Variants in DNMBP observed in about 807,000 individuals in gnomAD.
The protein encoded by DNMBP is dynamin-binding protein.
DNMBP carries 87 observed loss-of-function variants against 150.0 expected under a neutral mutation model. That is an observed-to-expected ratio of 0.58 (90% confidence interval 0.49 to 0.69). The LOEUF (loss-of-function observed/expected upper bound fraction) is 0.69. Ranked by LOEUF, DNMBP falls within the 30% of genes least tolerant of loss-of-function variation. DNMBP has a pLI of 0.00. For synonymous variants in DNMBP, 711 were observed against 750.4 expected, an observed-to-expected ratio of 0.95 and a Z score of 0.86; for missense variants, 1,774 against 1,949.0, an observed-to-expected ratio of 0.91 and a Z score of 1.69.
At chr10:99,979,453 G>T (rs1340409355) in intron 1 of DNMBP, among the ~76,000 whole-genome samples, 1 of 152,122 alleles carries the variant, frequency 6.6e-6, no homozygotes, top group African/African-American at 2.4e-5. Flanking sequence ...AAAGCCTTTG[G>T]CAGTTACCTA....
chr10:99,890,069 C>T (rs1383293929), intron 11 of DNMBP, among the ~76,000 whole-genome samples: 1 of 152,178 alleles, frequency 6.6e-6, no homozygotes. Flanking sequence ...ATTTTTATAT[C>T]ATTTTTAGAC....
Position 99,957,218 on chromosome 10 carries a change from G to A in DNMBP, c.269-13C>T. 1.3e-6 allele frequency: 2 copies of A among 1,594,726 alleles called. No homozygotes were observed. The highest frequency in any genetic ancestry group is 1.7e-6 in the Non-Finnish European group (2 of 1,176,258). On this transcript the variant is annotated splice_polypyrimidine_tract_variant and intron_variant, in intron 3 of 16. Transcript: ENST00000324109. ...ATCACCAGGTCACCTAAAGAAAAGAGGAGCAGAGATGGTGACCTCAGTCAT... is the reference window on the plus strand; with the variant it reads ...ATCACCAGGTCACCTAAAGAAAAGAAGAGCAGAGATGGTGACCTCAGTCAT...
At chr10:99,918,149 G>A (rs2039987236) in intron 4 of DNMBP, among the ~76,000 whole-genome samples, 1 of 151,944 alleles carries the variant, frequency 6.6e-6, no homozygotes, top group Non-Finnish European at 1.5e-5. Flanking sequence ...GCCCTGCCTG[G>A]AGGAATCACA....
rs773348614 is a variant in DNMBP at position 99,898,258 on chromosome 10, G to T, written c.2748C>A (p.Gly916=). The T allele has an allele frequency of 1.2e-6, 2 of 1,613,846 alleles. No individual in the cohort carries two copies. The highest frequency in any genetic ancestry group is 3.3e-5 in the Admixed American group (2 of 60,010). Residue 916 remains glycine, a synonymous_variant, in exon 9 of 17, where the codon GGC becomes GGA. Coordinates refer to ENST00000324109, the MANE Select transcript of DNMBP (RefSeq NM_015221.4). ...EWGCTNYINL[G]SFLIKPVQRV... Reference sequence around the variant, plus strand: ...TCTGTACTGGTTTGATGAGGAAGGAGCCCAGGTTAATATAATTTGTGCATC... The same window carrying T: ...TCTGTACTGGTTTGATGAGGAAGGATCCCAGGTTAATATAATTTGTGCATC...
chr10:99,956,326 C>T lies in DNMBP; in HGVS notation c.1148G>A (p.Gly383Glu). Residue 383 changes from glycine to glutamate, a missense_variant, in exon 4 of 17, where the codon GGG (glycine) becomes GAG (glutamate). Physicochemically the swap from Gly to Glu is moderately conservative, Grantham distance 98. Transcript: ENST00000324109. ...NSYQDEDTAG[G>E]PPRSPGVEWE... Reference sequence around the variant, plus strand: ...CTCCACGCCTGGGCTTCTCGGGGGCCCTCCTGCGGTGTCCTCGTCCTGATA... The same window carrying T: ...CTCCACGCCTGGGCTTCTCGGGGGCTCTCCTGCGGTGTCCTCGTCCTGATA... 6.2e-7 allele frequency: 1 copy of T among 1,613,786 alleles called. No homozygotes were observed.
chr10:99,893,581 A>G (rs943829358), intron 11 of DNMBP, among the ~76,000 whole-genome samples: 2 of 152,172 alleles, frequency 1.3e-5, no homozygotes, highest in African/African-American at 4.8e-5. Context: ...TAAAAATACA[A>G]AAATTAGCTG....
intron 1 of DNMBP, among the ~76,000 whole-genome samples, chr10:99,990,724 C>T (rs2040877960): frequency 6.7e-6 from 1 of 150,108 alleles, no homozygotes; most frequent in Non-Finnish European, 1.5e-5. Context: ...CATATACACA[C>T]AAATATACAT....
intron 1 of DNMBP, among the ~76,000 whole-genome samples, chr10:99,989,841 AC>A (rs2040867292): frequency 6.7e-6 from 1 of 149,438 alleles, no homozygotes; most frequent in Non-Finnish European, 1.5e-5. Context: ...CTTCTATTAA[AC>A]TGCTATGTAC....
Position 99,880,041 on chromosome 10 carries a change from A to C in DNMBP, c.4318T>G (p.Ser1440Ala), listed in dbSNP as rs1177001942. Reference sequence around the variant, plus strand: ...TCCCCTGACCTTGGCTGGGAGGTGGAGTCTGGGTCTGAAGGGCATCTGGAA... The same window carrying C: ...TCCCCTGACCTTGGCTGGGAGGTGGCGTCTGGGTCTGAAGGGCATCTGGAA... ...SPSRCPSDPD[S>A]TSQPRSGDSA... The change falls in exon 16 of 17, where the codon TCC becomes GCC. Residue 1440 changes from serine (S) to alanine (A), a missense_variant. This residue lies in a region of DNMBP where 1,430 missense variants were observed against 1,492.5 expected (regional missense o/e 0.96). Coordinates refer to ENST00000324109, the MANE Select transcript of DNMBP (RefSeq NM_015221.4). 6.2e-7 allele frequency: 1 copy of C among 1,614,154 alleles called. No homozygotes were observed.
At chr10:99,895,499 T>A (rs1340761023) in intron 10 of DNMBP, among the ~76,000 whole-genome samples, 2 of 152,242 alleles carry the variant, frequency 1.3e-5, no homozygotes, top group Admixed American at 6.5e-5. Flanking sequence ...TCATAGTGAA[T>A]TGATTTAAAC....
intron 10 of DNMBP, among the ~76,000 whole-genome samples, chr10:99,895,746 G>GT (rs2039643290): frequency 6.6e-6 from 1 of 152,156 alleles, no homozygotes; most frequent in South Asian, 2.1e-4. Context: ...TCACTGAACT[G>GT]TTTTTCTAAA....
chr10:99,977,170 G>A (rs976220173), intron 1 of DNMBP, among the ~76,000 whole-genome samples: 6 of 152,154 alleles, frequency 3.9e-5, no homozygotes, highest in Admixed American at 2.6e-4. Flanking sequence ...CATAATCACT[G>A]AGGAGCACAC....
At chr10:99,899,891 A>G (rs1232046542) in intron 7 of DNMBP, 28 bp downstream of exon 7, 2 of 1,613,606 alleles carry the variant, frequency 1.2e-6, no homozygotes, top group African/African-American at 1.3e-5. Context: ...AAGAGCTGTA[A>G]TGGAAGTTAA....
chr10:99,978,888 T>TA (rs962541218), intron 1 of DNMBP, among the ~76,000 whole-genome samples: 1 of 152,136 alleles, frequency 6.6e-6, no homozygotes, highest in African/African-American at 2.4e-5. Flanking sequence ...AGTTTTTTTT[T>TA]ATTTTTGTTT....
intron 8 of DNMBP, 112 bp downstream of exon 8, chr10:99,898,631 G>C: frequency 8.8e-7 from 1 of 1,139,696 alleles, no homozygotes; most frequent in South Asian, 1.3e-5. Context: ...CCAGCAAGGT[G>C]AGTCTACTTC....
chr10:99,887,482 G>A (rs2490931), intron 12 of DNMBP, among the ~76,000 whole-genome samples: 15,000 of 151,208 alleles, frequency 0.099, 1,321 homozygotes, highest in African/African-American at 0.24. Context: ...AGCAGAGATT[G>A]TGCCACTGCA....
At chr10:99,882,706 A>G (rs2039387631) in intron 15 of DNMBP, among the ~76,000 whole-genome samples, 1 of 152,196 alleles carries the variant, frequency 6.6e-6, no homozygotes, top group South Asian at 2.1e-4. Flanking sequence ...TTCATGTTGG[A>G]GATGTAGTCA....
chr10:99,897,937 T>C, intron 9 of DNMBP, 149 bp downstream of exon 9: 1 of 665,088 alleles, frequency 1.5e-6, no homozygotes, highest in Non-Finnish European at 2.6e-6. Flanking sequence ...TAAAATATCA[T>C]ATTTCCCCCA....
At chr10:99,962,695 G>A (rs1311878959) in intron 3 of DNMBP, among the ~76,000 whole-genome samples, 3 of 152,002 alleles carry the variant, frequency 2.0e-5, no homozygotes, top group South Asian at 2.1e-4. Flanking sequence ...GCCATCCATC[G>A]AGAACACAGA....
Sources: allele counts gnomAD v4.1 joint callset (sites outside exome capture counted in the v4.1 genomes callset), GRCh38; gene constraint gnomAD v4.1.1; regional missense constraint gnomAD v4.1.1; transcripts MANE v1.5; gene names NCBI Gene and HGNC (gene_info 2026-07-23, HGNC 2026-07-21).